ADAMTSL1: variants seen among roughly 807,000 people sequenced by gnomAD.
The protein encoded by ADAMTSL1 is ADAMTS-like protein 1.
ADAMTSL1 carries 126 observed loss-of-function variants against 201.8 expected under a neutral mutation model. The observed-to-expected ratio is 0.62, with a 90% CI of 0.54 to 0.72. The LOEUF (loss-of-function observed/expected upper bound fraction) is 0.72, where lower values mean the gene tolerates loss of function less well. ADAMTSL1 is among the 30% of genes least tolerant of loss of function. ADAMTSL1 has a pLI of 0.00. For missense variants in ADAMTSL1, 2,679 were observed against 2,277.8 expected (o/e 1.18, Z -3.59); for synonymous variants, 1,121 against 903.4 (o/e 1.24, Z -4.32).
At chr9:18,904,988 T>C (rs73425262) in intron 26 of ADAMTSL1, among the ~76,000 whole-genome samples, 23,335 of 152,140 alleles carry the variant, frequency 0.15, 3,476 homozygotes, top group African/African-American at 0.39. Flanking sequence ...ACAAAACTTT[T>C]GCTTATACTG....
At chr9:18,406,942 A>G (rs1481665850) in intron 2 of ADAMTSL1, among the ~76,000 whole-genome samples, 1 of 152,186 alleles carries the variant, frequency 6.6e-6, no homozygotes, top group Non-Finnish European at 1.5e-5. Flanking sequence ...ATTGAATTTG[A>G]GAATAAATGT....
At chr9:17,952,116 TTTC>T (rs1649904171) in intron 1 of ADAMTSL1, among the ~76,000 whole-genome samples, 1 of 150,570 alleles carries the variant, frequency 6.6e-6, no homozygotes, top group Admixed American at 6.6e-5. Flanking sequence ...GGTTTCTTTC[TTTC>T]TTTTTTTTTT....
intron 2 of ADAMTSL1, among the ~76,000 whole-genome samples, chr9:18,298,378 AAGTGTT>A (rs1239212796): frequency 6.6e-6 from 1 of 152,148 alleles, no homozygotes; most frequent in Non-Finnish European, 1.5e-5. Flanking sequence ...AGATGACAAA[AAGTGTT>A]CTTATCCAAA....
At chr9:18,727,320 T>G (rs527886319) in intron 15 of ADAMTSL1, among the ~76,000 whole-genome samples, 1 of 152,362 alleles carries the variant, frequency 6.6e-6, no homozygotes, top group South Asian at 2.1e-4. Context: ...CGCTGCCTTT[T>G]GGCTCTGTCC....
intron 2 of ADAMTSL1, among the ~76,000 whole-genome samples, chr9:18,405,558 G>C (rs1587094895): frequency 6.6e-6 from 1 of 151,614 alleles, no homozygotes; most frequent in Admixed American, 6.6e-5. Context: ...AGGGAAAAAA[G>C]GTCATGCCAT....
intron 1 of ADAMTSL1, among the ~76,000 whole-genome samples, chr9:18,089,989 C>T (rs1209227197): frequency 6.6e-6 from 1 of 152,136 alleles, no homozygotes; most frequent in African/African-American, 2.4e-5. Context: ...TGGTAAAATA[C>T]AGTTCAGAAG....
intron 1 of ADAMTSL1, among the ~76,000 whole-genome samples, chr9:18,126,392 C>T (rs889780793): frequency 3.3e-5 from 5 of 152,274 alleles, no homozygotes; most frequent in Middle Eastern, 3.4e-3. Context: ...ACCCTCCTCC[C>T]GGAAGTCCTC....
chr9:18,086,460 A>G (rs1016703559), intron 1 of ADAMTSL1, among the ~76,000 whole-genome samples: 11 of 152,208 alleles, frequency 7.2e-5, no homozygotes, highest in African/African-American at 2.4e-4. Context: ...GAGCCATCAT[A>G]TAATCCTAAA....
chr9:18,094,007 A>T lies in ADAMTSL1; in HGVS notation c.88-69855A>T, dbSNP rs114032265. Among the ~76,000 whole-genome samples the T allele has an allele frequency of 3.1e-3, 470 of 152,272 alleles. 3 individuals carry two copies. Among genetic ancestry groups the T allele is most frequent in the African/African-American group, 0.01 (436 of 41,552 alleles). ...TCCCAGGCGGAATTCTAGGTTTGGG[A>T]GTTGATCCATCATTTCATTTTGTCA... On this transcript the variant is annotated intron_variant, in intron 1 of 29. Coordinates refer to the ADAMTSL1 transcript ENST00000680146.
chr9:18,070,356 GGC>G (rs1446271230), intron 1 of ADAMTSL1, among the ~76,000 whole-genome samples: 2 of 152,162 alleles, frequency 1.3e-5, no homozygotes, highest in Non-Finnish European at 2.9e-5. Flanking sequence ...AGGGATGGCA[GGC>G]AAATGTGGCT....
At chr9:17,925,734 T>G (rs1377358387) in intron 1 of ADAMTSL1, among the ~76,000 whole-genome samples, 1 of 142,018 alleles carries the variant, frequency 7.0e-6, no homozygotes, top group African/African-American at 2.6e-5. Flanking sequence ...AGGGATAGCA[T>G]TGGGAGATAT....
chr9:18,845,219 C>T (rs1588219548), intron 23 of ADAMTSL1, among the ~76,000 whole-genome samples: 1 of 152,250 alleles, frequency 6.6e-6, no homozygotes, highest in East Asian at 1.9e-4. Flanking sequence ...AGTGAGCAAG[C>T]TCCCATGCCT....
intron 1 of ADAMTSL1, among the ~76,000 whole-genome samples, chr9:18,104,300 T>G (rs1309737853): frequency 1.3e-5 from 2 of 152,186 alleles, no homozygotes; most frequent in Non-Finnish European, 2.9e-5. Context: ...AGTTACTGCA[T>G]GCTTCCCTTC....
intron 4 of ADAMTSL1, among the ~76,000 whole-genome samples, chr9:18,610,969 G>T (rs1344912973): frequency 6.6e-6 from 1 of 152,164 alleles, no homozygotes; most frequent in Non-Finnish European, 1.5e-5. Flanking sequence ...AGGTACACGT[G>T]TGAGTTCCAG....
At position 18,029,533 on chromosome 9, in the gene ADAMTSL1, C is replaced by T. The variant is rs556560643; in HGVS notation, c.87+122611C>T. Among the ~76,000 whole-genome samples the T allele has an allele frequency of 2.0e-5, 3 of 152,090 alleles. No individual in the cohort carries two copies. In the South Asian group the frequency reaches 6.2e-4, roughly 32 times the overall value. On this transcript the variant is annotated intron_variant, in intron 1 of 29. Transcript: ENST00000680146. Reference sequence around the variant, plus strand: ...CACCAAAAGCAATGGCAACAAAAGCCAGAATTGACAAATGGGATCTCATTA... The same window carrying T: ...CACCAAAAGCAATGGCAACAAAAGCTAGAATTGACAAATGGGATCTCATTA...
rs1832262835 is a variant in ADAMTSL1, at chr9:18,269,296, G to T, written c.207+105315G>T. On this transcript the variant is annotated intron_variant, in intron 2 of 29. Transcript: ENST00000680146. ...TTAATTTACTTTTGAATTGCCCACA[G>T]AGCTTAGCATAGGGTCTCTGCATCA... Among the ~76,000 whole-genome samples the T allele has an allele frequency of 2.6e-5, 4 of 152,200 alleles. No homozygotes were observed. The South Asian group carries it at 8.3e-4, about 32-fold the overall frequency.
At chr9:18,815,378 TAA>T (rs899938560) in intron 20 of ADAMTSL1, among the ~76,000 whole-genome samples, 7 of 142,110 alleles carry the variant, frequency 4.9e-5, no homozygotes, top group East Asian at 4.1e-4. Flanking sequence ...TTTCCACCAT[TAA>T]AAAAAAAAAA....
intron 15 of ADAMTSL1, among the ~76,000 whole-genome samples, chr9:18,724,909 C>CTTT (rs11403576): frequency 1.3e-5 from 2 of 148,440 alleles, no homozygotes; most frequent in Non-Finnish European, 1.5e-5. Context: ...AGGATTGAAC[C>CTTT]TTTTTTTTTT....
intron 2 of ADAMTSL1, among the ~76,000 whole-genome samples, chr9:18,526,904 C>T (rs1819101503): frequency 6.6e-6 from 1 of 152,038 alleles, no homozygotes; most frequent in African/African-American, 2.4e-5. Flanking sequence ...GCCCAGGATC[C>T]CTGGGGCTTG....
Sources: allele counts gnomAD v4.1 joint callset (sites outside exome capture counted in the v4.1 genomes callset), GRCh38; gene constraint gnomAD v4.1.1; transcripts MANE v1.5; gene names NCBI Gene and HGNC (gene_info 2026-07-23, HGNC 2026-07-21).